PTPN14: variants seen among roughly 807,000 people sequenced by gnomAD.
The protein encoded by PTPN14 is protein tyrosine phosphatase non-receptor type 14.
PTPN14 carries 53 observed loss-of-function variants against 126.8 expected under a neutral mutation model. That is an observed-to-expected ratio of 0.42 (90% confidence interval 0.34 to 0.53). The LOEUF (loss-of-function observed/expected upper bound fraction) is 0.53, where lower values mean the gene tolerates loss of function less well. PTPN14 is among the 20% of genes least tolerant of loss of function. The pLI is 0.08. For synonymous variants in PTPN14, 630 were observed against 599.3 expected (o/e 1.05, Z -0.75); for missense variants, 1,257 against 1,552.9 (o/e 0.81, Z 3.20).
In PTPN14 at chr1:214,455,705, G is replaced by A. The variant is rs530525456; in HGVS notation, c.175-3731C>T. 1.1e-4 allele frequency among the ~76,000 whole-genome samples: 17 copies of A among 152,294 alleles called. 1 individual carries two copies. The highest frequency in any genetic ancestry group is 3.6e-4 in the African/African-American group (15 of 41,572). On this transcript the variant is annotated intron_variant, in intron 2 of 18. Transcript: ENST00000366956. ...CCACACTAAAATGTCATTTTTATGT[G>A]AGCAGCTTCCTCATTTATTTGGTTT...
intron 3 of PTPN14, among the ~76,000 whole-genome samples, chr1:214,445,047 A>C (rs1223567957): frequency 6.6e-6 from 1 of 152,236 alleles, no homozygotes; most frequent in Non-Finnish European, 1.5e-5. Flanking sequence ...TTAACATTTA[A>C]GAATGCTCCA....
intron 3 of PTPN14, among the ~76,000 whole-genome samples, chr1:214,435,104 A>G (rs1248470696): frequency 6.6e-6 from 1 of 152,348 alleles, no homozygotes; most frequent in East Asian, 1.9e-4. Flanking sequence ...ACAATTAAAA[A>G]TATAGGAGTA....
chr1:214,435,141 T>C (rs565859159), intron 3 of PTPN14, among the ~76,000 whole-genome samples: 4 of 152,292 alleles, frequency 2.6e-5, no homozygotes, highest in African/African-American at 9.6e-5. Context: ...AAAAGTGAAA[T>C]TGATTCCCCC....
rs145209778 is a variant in PTPN14 at position 214,410,132 on chromosome 1, G to C, written c.510+1552C>G. 2.2e-4 allele frequency among the ~76,000 whole-genome samples: 34 copies of C among 152,158 alleles called. 1 individual carries two copies. The East Asian group carries it at 6.2e-3, about 28-fold the overall frequency. On this transcript the variant is annotated intron_variant, in intron 5 of 18. Coordinates refer to ENST00000366956, the MANE Select transcript of PTPN14 (RefSeq NM_005401.5). The stretch of plus-strand genomic sequence containing the variant: ...CTGTTGTTTCCTTTGTTGCACAGAA[G>C]CTTTTTAGTTTGATACAATCTCATT...
At chr1:214,367,301 G>A (rs955856575) in intron 17 of PTPN14, among the ~76,000 whole-genome samples, 3 of 152,122 alleles carry the variant, frequency 2.0e-5, no homozygotes, top group African/African-American at 7.2e-5. Context: ...GGCAAATCAC[G>A]AGTCCTCTCT....
chr1:214,413,150 TA>T (rs2102582806), intron 4 of PTPN14, among the ~76,000 whole-genome samples: 2 of 152,344 alleles, frequency 1.3e-5, no homozygotes, highest in South Asian at 4.1e-4. Context: ...GTGCTGGGAT[TA>T]TAGGCATAAG....
intron 1 of PTPN14, among the ~76,000 whole-genome samples, chr1:214,494,064 CTT>C (rs1012795813): frequency 1.4e-4 from 22 of 152,106 alleles, no homozygotes; most frequent in Admixed American, 2.6e-4. Context: ...CCTCTTCTCT[CTT>C]TCTTTCTCTT....
At chr1:214,404,853 A>C (rs1282450143) in intron 5 of PTPN14, among the ~76,000 whole-genome samples, 1 of 152,184 alleles carries the variant, frequency 6.6e-6, no homozygotes, top group Non-Finnish European at 1.5e-5. Flanking sequence ...CATTCATCCT[A>C]TCTTCCCTCC....
At chr1:214,501,628 C>T (rs1011915809) in intron 1 of PTPN14, among the ~76,000 whole-genome samples, 1 of 152,168 alleles carries the variant, frequency 6.6e-6, no homozygotes, top group African/African-American at 2.4e-5. Flanking sequence ...GTTGAACTCC[C>T]ACCTAACACT....
chr1:214,351,104 T>C lies in PTPN14; in HGVS notation c.*6818A>G, dbSNP rs544451129. On this transcript the variant is annotated 3_prime_UTR_variant, in exon 19 of 19. Coordinates refer to ENST00000366956, the MANE Select transcript of PTPN14 (RefSeq NM_005401.5). Reference sequence around the variant, plus strand: ...AGAGGCTGGGTGTAATCCCAGCACTTTGGGAGGCCGAGGGGGGTCATCACG... The same window carrying C: ...AGAGGCTGGGTGTAATCCCAGCACTCTGGGAGGCCGAGGGGGGTCATCACG... 6.6e-5 allele frequency: 10 copies of C among 151,216 alleles called. No individual in the cohort carries two copies. Among genetic ancestry groups the C allele is most frequent in the African/African-American group, 2.4e-4 (10 of 41,250 alleles). 9.4% of individuals were successfully genotyped at this position (151,216 alleles called of 1,614,324 possible). A position where few individuals can be genotyped will look rare whatever the true frequency, so the allele number is the denominator to read the frequency against.
intron 4 of PTPN14, among the ~76,000 whole-genome samples, chr1:214,412,861 CT>C (rs1659340270): frequency 6.6e-6 from 1 of 151,986 alleles, no homozygotes; most frequent in Non-Finnish European, 1.5e-5. Flanking sequence ...GTAAACAAAG[CT>C]TTTTATTTAT....
chr1:214,466,683 A>ATC (rs1316696720), intron 1 of PTPN14, among the ~76,000 whole-genome samples: 1 of 152,140 alleles, frequency 6.6e-6, no homozygotes, highest in Non-Finnish European at 1.5e-5. Context: ...CCAACAGACT[A>ATC]TCTCTTGCTC....
At chr1:214,397,459 G>T (rs1161271478) in intron 8 of PTPN14, among the ~76,000 whole-genome samples, 1 of 152,192 alleles carries the variant, frequency 6.6e-6, no homozygotes, top group Non-Finnish European at 1.5e-5. Flanking sequence ...GGACTGAAGT[G>T]TCAAAATAAT....
intron 1 of PTPN14, among the ~76,000 whole-genome samples, chr1:214,494,239 T>C (rs1661311907): frequency 6.6e-6 from 1 of 152,146 alleles, no homozygotes; most frequent in South Asian, 2.1e-4. Flanking sequence ...TTTGTGTTTT[T>C]AGTAGAGACA....
chr1:214,413,494 A>C (rs1659355655), intron 4 of PTPN14, among the ~76,000 whole-genome samples: 1 of 152,212 alleles, frequency 6.6e-6, no homozygotes, highest in Non-Finnish European at 1.5e-5. Context: ...AATTCAGCCC[A>C]GTGTTTGGGA....
In PTPN14 at chr1:214,359,490, T is replaced by C. The variant is rs1657906184; in HGVS notation, c.3436-1440A>G. Among the ~76,000 whole-genome samples the C allele has an allele frequency of 2.0e-5, 3 of 151,934 alleles. No homozygotes were observed. The South Asian group carries it at 6.3e-4, about 32-fold the overall frequency. The stretch of plus-strand genomic sequence containing the variant: ...GCCTGCCTCGGCCTCCCAAAAGTGC[T>C]GGGATTATAAGCGTGAGCCACTGCG... On this transcript the variant is annotated intron_variant, in intron 18 of 18. Transcript: ENST00000366956.
At chr1:214,359,715 CT>C (rs1380161167) in intron 18 of PTPN14, among the ~76,000 whole-genome samples, 1 of 151,474 alleles carries the variant, frequency 6.6e-6, no homozygotes, top group Admixed American at 6.6e-5. Flanking sequence ...GAGACGAGGT[CT>C]TACTCTGTTG....
At chr1:214,527,985 C>T (rs1400487776) in intron 1 of PTPN14, among the ~76,000 whole-genome samples, 1 of 152,168 alleles carries the variant, frequency 6.6e-6, no homozygotes, top group Non-Finnish European at 1.5e-5. Flanking sequence ...TCTCTAAAGT[C>T]AAAAGTTACT....
At chr1:214,392,598 A>G (rs1474801648) in intron 10 of PTPN14, among the ~76,000 whole-genome samples, 2 of 152,172 alleles carry the variant, frequency 1.3e-5, no homozygotes, top group African/African-American at 4.8e-5. Flanking sequence ...CCTATCAGGA[A>G]CCTGCTCAAG....
Sources: gnomAD v4.1 joint callset for allele counts (sites outside exome capture counted in the v4.1 genomes callset) on GRCh38, gnomAD v4.1.1 for gene constraint, MANE v1.5 for transcripts, NCBI Gene and HGNC (gene_info 2026-07-23, HGNC 2026-07-21) for gene names.